Variants in CDH13 observed in about 807,000 individuals in gnomAD.
The protein encoded by CDH13 is cadherin-13.
In CDH13, 24 loss-of-function variants were observed where a neutral mutation model predicts 63.8. The ratio of observed to expected loss-of-function variants is 0.38; its 90% CI spans 0.27 to 0.53. CDH13 has a LOEUF of 0.53. Among genes scored for constraint, CDH13 ranks in the 20% least tolerant of loss-of-function variants. CDH13 has a pLI of 0.85. For synonymous variants in CDH13, 503 were observed against 355.3 expected, an observed-to-expected ratio of 1.42 and a Z score of -4.67; for missense variants, 1,049 against 903.1, an observed-to-expected ratio of 1.16 and a Z score of -2.07.
chr16:83,204,343 C>G (rs1361810959), intron 4 of CDH13, among the ~76,000 whole-genome samples: 2 of 152,170 alleles, frequency 1.3e-5, no homozygotes, highest in African/African-American at 4.8e-5. Flanking sequence ...AGATTATTAC[C>G]AATACCTACC....
At chr16:82,837,292 C>A (rs1298566798) in intron 1 of CDH13, among the ~76,000 whole-genome samples, 1 of 152,170 alleles carries the variant, frequency 6.6e-6, no homozygotes, top group Admixed American at 6.5e-5. Context: ...TTGCCTACCT[C>A]AGAGGCTTGT....
intron 13 of CDH13, among the ~76,000 whole-genome samples, chr16:83,785,786 C>G (rs1915839206): frequency 6.6e-6 from 1 of 152,142 alleles, no homozygotes; most frequent in Non-Finnish European, 1.5e-5. Context: ...TACCCTATGG[C>G]TGGAAGGGCA....
At position 83,007,756 on chromosome 16, in the gene CDH13, G is replaced by T. The variant is rs148168600; in HGVS notation, c.158-24254G>T. 1.7e-3 allele frequency among the ~76,000 whole-genome samples: 261 copies of T among 151,814 alleles called. 2 individuals carry two copies. The highest frequency in any genetic ancestry group is 6.0e-3 in the African/African-American group (248 of 41,374). ...GGAGGATCACTTGAACCCAGGAGGC[G>T]GGGGTGGCAGTGAGCTAAGATCACA... On this transcript the variant is annotated intron_variant, in intron 2 of 13. Transcript: ENST00000567109.
intron 1 of CDH13, chr16:82,689,128 A>T (rs947038344): frequency 6.6e-6 from 1 of 150,774 alleles, no homozygotes; most frequent in Non-Finnish European, 1.5e-5. Flanking sequence ...TAACACACTT[A>T]CTCAGGTTTA....
intron 10 of CDH13, among the ~76,000 whole-genome samples, chr16:83,687,887 A>G (rs1213804138): frequency 6.6e-6 from 1 of 152,194 alleles, no homozygotes; most frequent in Non-Finnish European, 1.5e-5. Context: ...ATCAGATCCA[A>G]ATTAGATACT....
At chr16:83,327,396 A>G (rs2151900255) in intron 5 of CDH13, among the ~76,000 whole-genome samples, 1 of 152,366 alleles carries the variant, frequency 6.6e-6, no homozygotes, top group South Asian at 2.1e-4. Flanking sequence ...GGAATTCTCA[A>G]AAGACAAGCG....
chr16:82,882,146 T>G (rs1478452083), intron 2 of CDH13, among the ~76,000 whole-genome samples: 1 of 152,224 alleles, frequency 6.6e-6, no homozygotes, highest in African/African-American at 2.4e-5. Flanking sequence ...TAAATTATGA[T>G]TCAATTCACA....
At chr16:83,367,423 T>C (rs2091279398) in intron 6 of CDH13, among the ~76,000 whole-genome samples, 2 of 152,242 alleles carry the variant, frequency 1.3e-5, no homozygotes, top group African/African-American at 4.8e-5. Context: ...GTTACTACTT[T>C]TTGGCTACTA....
At chr16:82,823,456 T>C (rs1013741385) in intron 1 of CDH13, 2 of 152,112 alleles carry the variant, frequency 1.3e-5, no homozygotes, top group African/African-American at 4.8e-5. Context: ...GAAAACAAAA[T>C]GAAATAAAAA....
chr16:83,498,112 A>G (rs1233505309), intron 7 of CDH13, among the ~76,000 whole-genome samples: 4 of 152,226 alleles, frequency 2.6e-5, no homozygotes, highest in Non-Finnish European at 4.4e-5. Flanking sequence ...TTGACTAAAT[A>G]TTGGAGGGAA....
chr16:82,797,774 C>CGTGTGTGTGT (rs3046484), intron 1 of CDH13, among the ~76,000 whole-genome samples: 12,786 of 145,498 alleles, frequency 0.088, 732 homozygotes, highest in East Asian at 0.26. Flanking sequence ...ACTTTAGGGC[C>CGTGTGTGTGT]GTGTGTGTGT....
intron 3 of CDH13, among the ~76,000 whole-genome samples, chr16:83,044,085 G>A (rs1917569940): frequency 6.6e-6 from 1 of 152,192 alleles, no homozygotes; most frequent in Non-Finnish European, 1.5e-5. Flanking sequence ...CCTACCACAT[G>A]TTAGAACATT....
chr16:82,941,293 A>G (rs1430284710), intron 2 of CDH13, among the ~76,000 whole-genome samples: 1 of 152,216 alleles, frequency 6.6e-6, no homozygotes, highest in Admixed American at 6.5e-5. Context: ...ACTGCATGCC[A>G]ACTGGGATCT....
intron 1 of CDH13, among the ~76,000 whole-genome samples, chr16:82,792,706 T>A (rs1414528063): frequency 6.6e-6 from 1 of 152,228 alleles, no homozygotes; most frequent in Admixed American, 6.5e-5. Flanking sequence ...CAGAAGGCCT[T>A]TATTTATTTC....
intron 4 of CDH13, among the ~76,000 whole-genome samples, chr16:83,180,156 T>G (rs2038291627): frequency 6.8e-6 from 1 of 146,584 alleles, no homozygotes; most frequent in African/African-American, 2.7e-5. Flanking sequence ...TTGTTGTTGT[T>G]GGTTTGTTTG....
chr16:83,000,574 C>CTTTTTTTTTTTT (rs561787532), intron 2 of CDH13, among the ~76,000 whole-genome samples: 27 of 127,678 alleles, frequency 2.1e-4, no homozygotes, highest in East Asian at 4.6e-4. Context: ...TTTCTTTTCT[C>CTTTTTTTTTTTT]TTTTTTTTTT....
Position 82,964,465 on chromosome 16 carries a change from G to A in CDH13, c.158-67545G>A, listed in dbSNP as rs1392690654. On this transcript the variant is annotated intron_variant, in intron 2 of 13. Transcript: ENST00000567109. ...TAGCCCATTAAACCTCCAGGGAGAA[G>A]TAAAGAGAAAGAGGAGATAATTGTC... 3.9e-5 allele frequency among the ~76,000 whole-genome samples: 6 copies of A among 152,320 alleles called. No individual in the cohort carries two copies. The East Asian group carries it at 1.2e-3, about 29-fold the overall frequency.
chr16:83,152,088 A>T (rs1051409057), intron 4 of CDH13, among the ~76,000 whole-genome samples: 2 of 152,212 alleles, frequency 1.3e-5, no homozygotes, highest in Non-Finnish European at 2.9e-5. Flanking sequence ...GGAAAATTAG[A>T]GGAAAAAAAA....
intron 1 of CDH13, among the ~76,000 whole-genome samples, chr16:82,677,987 C>G (rs1052806525): frequency 1.3e-5 from 2 of 152,112 alleles, no homozygotes; most frequent in Non-Finnish European, 2.9e-5. Flanking sequence ...TCTATAGTTG[C>G]AAATCTAGCA....
Sources: gnomAD v4.1 joint callset for allele counts (sites outside exome capture counted in the v4.1 genomes callset) on GRCh38, gnomAD v4.1.1 for gene constraint, MANE v1.5 for transcripts, NCBI Gene and HGNC (gene_info 2026-07-23, HGNC 2026-07-21) for gene names.